Variants in AUNIP observed in about 807,000 individuals in gnomAD.
AUNIP encodes aurora kinase A- and ninein-interacting protein.
Under a neutral mutation model 12.2 loss-of-function variants are expected in AUNIP, and 16 were observed. The observed-to-expected ratio is 1.31, with a 90% CI of 0.88 to 1.99. The LOEUF (loss-of-function observed/expected upper bound fraction) is 1.99, where lower values mean the gene tolerates loss of function less well. Ranked by LOEUF, AUNIP falls within the 30% of genes most tolerant of loss-of-function variation. AUNIP has a pLI of 0.00. For missense variants in AUNIP, 411 were observed against 419.1 expected (o/e 0.98, Z 0.17); for synonymous variants, 142 against 154.8 (o/e 0.92, Z 0.61).
Position 25,846,287 on chromosome 1 carries a change from C to T in AUNIP, c.79-8733G>A, listed in dbSNP as rs774650252. On this transcript the variant is annotated intron_variant, in intron 1 of 2. Coordinates refer to ENST00000374298, the MANE Select transcript of AUNIP (RefSeq NM_024037.3). Reference sequence around the variant, plus strand: ...CACAAAAATTAGCCAGGCATGGTGGCGTGCACCTGTAGTCCCAGCTACTTG... The same window carrying T: ...CACAAAAATTAGCCAGGCATGGTGGTGTGCACCTGTAGTCCCAGCTACTTG... Among the ~76,000 whole-genome samples, 75 of 151,880 alleles carry T rather than the reference C, an allele frequency of 4.9e-4. No homozygotes were observed. In the South Asian group the frequency reaches 7.9e-3, roughly 16 times the overall value.
At chr1:25,844,479 G>A (rs904288788) in intron 1 of AUNIP, among the ~76,000 whole-genome samples, 4 of 152,080 alleles carry the variant, frequency 2.6e-5, no homozygotes, top group Non-Finnish European at 5.9e-5. Flanking sequence ...CTCACTATTA[G>A]AAAATGTTCT....
intron 1 of AUNIP, among the ~76,000 whole-genome samples, chr1:25,854,272 AG>A (rs2048443769): frequency 6.6e-6 from 1 of 152,160 alleles, no homozygotes; most frequent in African/African-American, 2.4e-5. Flanking sequence ...CCAAACATAA[AG>A]GCAGGAGAAT....
Position 25,835,556 on chromosome 1 carries a change from G to A in AUNIP, c.511C>T (p.Leu171=). ...AAGTCCTCGGTGAAGGAAAAAGCCA[G>A]TGGGGTATGACTATCTCCAGCACAG... ...PDCAGDSHTP[L]AFSFTEDLES... Residue 171 remains leucine (L), a synonymous_variant, in exon 3 of 3, where the codon CTG becomes TTG. Coordinates refer to ENST00000374298, the MANE Select transcript of AUNIP (RefSeq NM_024037.3). The A allele has an allele frequency of 1.9e-6, 3 of 1,614,258 alleles. No individual in the cohort carries two copies. The highest frequency in any genetic ancestry group is 2.5e-6 in the Non-Finnish European group (3 of 1,180,046).
chr1:25,843,610 AAAAAAAAAAAAAAG>A (rs1358343645), intron 1 of AUNIP, among the ~76,000 whole-genome samples: 3 of 150,024 alleles, frequency 2.0e-5, no homozygotes, highest in Admixed American at 1.3e-4. Flanking sequence ...AAAAAAAAAA[AAAAAAAAAAAAAAG>A]GGATTCATGA....
In AUNIP at chr1:25,835,224, C is replaced by T. The variant is rs757924611; in HGVS notation, c.843G>A (p.Lys281=). The T allele has an allele frequency of 6.2e-7, 1 of 1,614,136 alleles. No individual in the cohort carries two copies. The highest frequency in any genetic ancestry group is 8.5e-7 in the Non-Finnish European group (1 of 1,180,010). The change falls in exon 3 of 3, where the codon AAG becomes AAA. Residue 281 remains lysine, a synonymous_variant. Coordinates refer to ENST00000374298, the MANE Select transcript of AUNIP (RefSeq NM_024037.3). ...CAGTGAAAAGTTGACTCCAGGAGTC[C>T]TTGTCATTCTTTTCATTGTCCCAGG... ...VFSWDNEKND[K]DSWSQLFTED...
chr1:25,831,918 T>C (rs768077073), downstream of AUNIP: 6 of 1,613,366 alleles, frequency 3.7e-6, no homozygotes, highest in Non-Finnish European at 5.1e-6. Context: ...ATTGTGTCTC[T>C]AGGAACCGGA....
In AUNIP at chr1:25,834,929, C is replaced by G; in HGVS notation, c.*64G>C. ...AAACAAACTCACTCCTCTCTCCACC[C>G]ACAACTATATTTTCCTACATCTCTA... On this transcript the variant is annotated 3_prime_UTR_variant, in exon 3 of 3. Transcript: ENST00000374298. The G allele has an allele frequency of 6.5e-7, 1 of 1,542,448 alleles. No individual in the cohort carries two copies. Among genetic ancestry groups the G allele is most frequent in the Non-Finnish European group, 8.7e-7 (1 of 1,148,194 alleles).
Position 25,837,570 on chromosome 1 carries a change from A to G in AUNIP, c.79-16T>C. 6.2e-7 allele frequency: 1 copy of G among 1,608,022 alleles called. No homozygotes were observed. Among genetic ancestry groups the G allele is most frequent in the Non-Finnish European group, 8.5e-7 (1 of 1,176,564 alleles). ...TTAAATGTGTCTGAGAAAGGAGAGA[A>G]AAAAGAATAATGAGCCTATTAATAT... On this transcript the variant is annotated splice_polypyrimidine_tract_variant and intron_variant, in intron 1 of 2. Coordinates refer to ENST00000374298, the MANE Select transcript of AUNIP (RefSeq NM_024037.3).
At chr1:25,859,173 T>C in intron 1 of AUNIP, 107 bp downstream of exon 1, 1 of 1,189,894 alleles carries the variant, frequency 8.4e-7, no homozygotes, top group Non-Finnish European at 1.2e-6. Flanking sequence ...CCCTTCTCTG[T>C]CCCCGACTTC....
Position 25,859,375 on chromosome 1 carries a change from A to AGCCGGCAGGAC in AUNIP, c.-29_-19dup, listed in dbSNP as rs1553125044. 1.2e-5 allele frequency: 18 copies of AGCCGGCAGGAC among 1,503,952 alleles called. No homozygotes were observed. The highest frequency in any genetic ancestry group is 1.5e-5 in the Non-Finnish European group (17 of 1,133,586). 93.2% of individuals were successfully genotyped at this position (1,503,952 alleles called of 1,614,324 possible). On this transcript the variant is annotated 5_prime_UTR_variant, in exon 1 of 3. Transcript: ENST00000374298. ...CGCCTCATGGCCGCTGAGGAGACGA[A>AGCCGGCAGGAC]GCCGGCAGGACGCCGGCGCAGGCTC... is the stretch of plus-strand genomic sequence containing the variant.
intron 1 of AUNIP, among the ~76,000 whole-genome samples, chr1:25,855,212 C>T (rs1464343503): frequency 6.6e-6 from 1 of 152,096 alleles, no homozygotes; most frequent in Non-Finnish European, 1.5e-5. Context: ...ACATTCTATT[C>T]ATTGGAGTCA....
In AUNIP at chr1:25,847,965, A is replaced by G. The variant is rs1333779165; in HGVS notation, c.79-10411T>C. On this transcript the variant is annotated intron_variant, in intron 1 of 2. Transcript: ENST00000374298. This position sits in a 1 kb window ranked among gnomAD's most constrained non-coding sequence, Gnocchi z 4.2. ...GTCTCAAAAATAAAATAAAATAAAC[A>G]ACTAAAAATAAACAACTTTCAACTT... is the stretch of plus-strand genomic sequence containing the variant. 1.3e-5 allele frequency among the ~76,000 whole-genome samples: 2 copies of G among 151,990 alleles called. No homozygotes were observed. The highest frequency in any genetic ancestry group is 4.8e-5 in the African/African-American group (2 of 41,356).
At position 25,847,396 on chromosome 1, in the gene AUNIP, G is replaced by C. The variant is rs1295709205; in HGVS notation, c.79-9842C>G. 1.3e-5 allele frequency among the ~76,000 whole-genome samples: 2 copies of C among 152,024 alleles called. No individual in the cohort carries two copies. Among genetic ancestry groups the C allele is most frequent in the African/African-American group, 4.8e-5 (2 of 41,398 alleles). On this transcript the variant is annotated intron_variant, in intron 1 of 2. Transcript: ENST00000374298. This position sits in a 1 kb window ranked among gnomAD's most constrained non-coding sequence, Gnocchi z 4.2. Reference sequence around the variant, plus strand: ...GCTGCCTCAGCCTCCCGTGTAGCTGGGATTACAGGCATGCGCCACGATGCC... The same window carrying C: ...GCTGCCTCAGCCTCCCGTGTAGCTGCGATTACAGGCATGCGCCACGATGCC...
rs2048298477 is a variant in AUNIP at position 25,835,816 on chromosome 1, A to G, written c.251T>C (p.Val84Ala). The change falls in exon 3 of 3, where the codon GTT becomes GCT. Residue 84 changes from valine (V) to alanine (A), a missense_variant. Physicochemically the swap from Val to Ala is moderately conservative, Grantham distance 64 (BLOSUM62 0). Transcript: ENST00000374298. ...GKTNGSDQKS[V>A]SSHTESQINK... ...GATCTGACTTTCTGTATGAGATGAA[A>G]CACTCTTCTGGTCACTGCCATTTGT... The G allele has an allele frequency of 2.5e-6, 4 of 1,614,032 alleles. No homozygotes were observed. In the South Asian group the frequency reaches 3.3e-5, roughly 13 times the overall value.
rs554339435 is a variant in AUNIP, at chr1:25,841,286, A to G, written c.79-3732T>C. 5.3e-5 allele frequency among the ~76,000 whole-genome samples: 8 copies of G among 152,316 alleles called. No homozygotes were observed. In the South Asian group the frequency reaches 1.7e-3, roughly 32 times the overall value. ...CTTCAGCTGATTATCCCTACCTCAA[A>G]ATAAAGGCGGCTGTTTGTATTTTAT... On this transcript the variant is annotated intron_variant, in intron 1 of 2. Transcript: ENST00000374298.
chr1:25,832,337 C>T, downstream of AUNIP: 4 of 672,690 alleles, frequency 5.9e-6, no homozygotes, highest in Non-Finnish European at 1.0e-5. Context: ...AAAATAGGTC[C>T]TAAATGACTG....
intron 1 of AUNIP, among the ~76,000 whole-genome samples, chr1:25,857,123 T>A (rs2048468193): frequency 6.6e-6 from 1 of 152,030 alleles, no homozygotes; most frequent in South Asian, 2.1e-4. Flanking sequence ...TCTCCAAAAT[T>A]AACTAACAAA....
rs370747880 is a variant in AUNIP, at chr1:25,835,218, G to C, written c.849C>G (p.Ser283=). 7.4e-6 allele frequency: 12 copies of C among 1,614,042 alleles called. No individual in the cohort carries two copies. The African/African-American group carries it at 1.6e-4, about 22-fold the overall frequency. The change falls in exon 3 of 3, where the codon TCC becomes TCG. Residue 283 remains serine (S), a synonymous_variant. Transcript: ENST00000374298. ...SWDNEKNDKD[S]WSQLFTEDSQ... is the part of the protein sequence containing the mutation. ...AATCTTCAGTGAAAAGTTGACTCCA[G>C]GAGTCCTTGTCATTCTTTTCATTGT... is the stretch of plus-strand genomic sequence containing the variant.
chr1:25,835,408 TC>T lies in AUNIP; in HGVS notation c.658del (p.Asp220ThrfsTer7). 1 of 1,614,252 alleles carries T rather than the reference TC, an allele frequency of 6.2e-7. No individual in the cohort carries two copies. Among genetic ancestry groups the T allele is most frequent in the Non-Finnish European group, 8.5e-7 (1 of 1,180,044 alleles). On this transcript the variant is annotated frameshift_variant, in exon 3 of 3. Transcript: ENST00000374298. LOFTEE classifies it low-confidence loss of function (END_TRUNC). Reference sequence around the variant, plus strand: ...CTTGCCTAAGGGCTGACAGCATTTGTCCCCAGGTAGTTTGGTGTGTTTCTCC... The same window carrying T: ...CTTGCCTAAGGGCTGACAGCATTTGTCCCAGGTAGTTTGGTGTGTTTCTCC... ...SMEKHTKLPG[D>X]KCCQPLGKTK... is the part of the protein sequence containing the mutation.
Sources: allele counts gnomAD v4.1 joint callset (sites outside exome capture counted in the v4.1 genomes callset), GRCh38; gene constraint gnomAD v4.1.1; non-coding constraint Gnocchi (gnomAD v3.1); transcripts MANE v1.5; gene names NCBI Gene and HGNC (gene_info 2026-07-23, HGNC 2026-07-21).